Variants in GRK5 observed in about 807,000 individuals in gnomAD.
The protein encoded by GRK5 is G protein-coupled receptor kinase 5.
A neutral mutation model predicts 78.4 loss-of-function variants in GRK5; 40 were observed. The observed-to-expected ratio is 0.51, with a 90% CI of 0.40 to 0.66. GRK5 has a LOEUF of 0.66. Among genes scored for constraint, GRK5 ranks in the 30% least tolerant of loss-of-function variants. The pLI is 0.00. For synonymous variants in GRK5, 289 were observed against 296.8 expected, an observed-to-expected ratio of 0.97 and a Z score of 0.27; for missense variants, 598 against 759.9, an observed-to-expected ratio of 0.79 and a Z score of 2.50.
intron 1 of GRK5, among the ~76,000 whole-genome samples, chr10:119,276,019 C>T (rs1353808184): frequency 3.3e-5 from 5 of 152,196 alleles, no homozygotes; most frequent in African/African-American, 9.7e-5. Context: ...GTCCTTCCTC[C>T]TCTGTTTGCC....
intron 8 of GRK5, among the ~76,000 whole-genome samples, chr10:119,434,728 A>G (rs1308320918): frequency 1.3e-5 from 2 of 152,152 alleles, no homozygotes; most frequent in Non-Finnish European, 2.9e-5. Flanking sequence ...CTGTCAGTGG[A>G]TCTACCATTC....
Position 119,431,514 on chromosome 10 carries a change from A to G in GRK5, c.725A>G (p.Asn242Ser). The G allele has an allele frequency of 6.2e-7, 1 of 1,613,638 alleles. No individual in the cohort carries two copies. Among genetic ancestry groups the G allele is most frequent in the Non-Finnish European group, 8.5e-7 (1 of 1,179,742 alleles). The change falls in exon 8 of 16, where the codon AAC (asparagine) becomes AGC (serine). Residue 242 changes from asparagine to serine, a missense_variant. Physicochemically the swap from Asn to Ser is conservative, Grantham distance 46 (BLOSUM62 1). Transcript: ENST00000392870. This position sits in a 1 kb window ranked among gnomAD's most constrained non-coding sequence, Gnocchi z 4.8. ...GAGAAGCAGATCCTCGAGAAGGTCAACAGTCAGTTTGTGGTGAGTGAGCAT... is the reference window on the plus strand; with the variant it reads ...GAGAAGCAGATCCTCGAGAAGGTCAGCAGTCAGTTTGTGGTGAGTGAGCAT... ...LNEKQILEKVNSQFVVNLAYA... is the reference protein window; with the variant it reads ...LNEKQILEKVSSQFVVNLAYA...
At position 119,336,428 on chromosome 10, in the gene GRK5, T is replaced by C. The variant is rs1038391685; in HGVS notation, c.148+9817T>C. ...GTGAAGGTCAGAGGGGACACTGGCT[T>C]TATCTGTAAGATTGTTTTTTTTTTA... On this transcript the variant is annotated intron_variant, in intron 2 of 15. Coordinates refer to ENST00000392870, the MANE Select transcript of GRK5 (RefSeq NM_005308.3). The surrounding 1 kb of genome is among the most constrained non-coding windows in gnomAD (Gnocchi z 4.5). Among the ~76,000 whole-genome samples the C allele has an allele frequency of 2.0e-5, 3 of 152,200 alleles. No homozygotes were observed. The highest frequency in any genetic ancestry group is 4.8e-5 in the African/African-American group (2 of 41,450).
At chr10:119,280,280 G>C (rs1186372987) in intron 1 of GRK5, among the ~76,000 whole-genome samples, 1 of 152,218 alleles carries the variant, frequency 6.6e-6, no homozygotes, top group African/African-American at 2.4e-5. Context: ...AGGCCATGGT[G>C]ACAAAAAGTT....
chr10:119,344,079 CT>C (rs984816023), intron 2 of GRK5, among the ~76,000 whole-genome samples: 40 of 143,876 alleles, frequency 2.8e-4, no homozygotes, highest in Admixed American at 2.7e-4. Context: ...TTTTCTTTTT[CT>C]TTTTTTTTTG....
intron 2 of GRK5, among the ~76,000 whole-genome samples, chr10:119,354,505 G>A (rs1851237285): frequency 7.0e-6 from 1 of 142,694 alleles, no homozygotes; most frequent in Non-Finnish European, 1.5e-5. Flanking sequence ...AGGCTCAATT[G>A]ACCCTCCCAC....
intron 1 of GRK5, among the ~76,000 whole-genome samples, chr10:119,313,212 G>GTGGTGGTGA (rs1850420959): frequency 6.7e-6 from 1 of 148,230 alleles, no homozygotes; most frequent in East Asian, 2.4e-4. Context: ...AATGGTAGTG[G>GTGGTGGTGA]TGGTGGTGAC....
rs140383080 is a variant in GRK5 at position 119,443,698 on chromosome 10, G to T, written c.1212G>T (p.Thr404=). 6.2e-7 allele frequency: 1 copy of T among 1,612,966 alleles called. No homozygotes were observed. The highest frequency in any genetic ancestry group is 1.3e-5 in the African/African-American group (1 of 74,946). ...AGGTGGACCGCCGGGTCCTGGAGACGGAGGAGGTGTACTCCCACAAGTTCT... is the reference window on the plus strand; with the variant it reads ...AGGTGGACCGCCGGGTCCTGGAGACTGAGGAGGTGTACTCCCACAAGTTCT... ...REEVDRRVLE[T]EEVYSHKFSE... Residue 404 remains threonine, a synonymous_variant, in exon 12 of 16, where the codon ACG becomes ACT. Transcript: ENST00000392870.
At position 119,459,185 on chromosome 10, in the gene GRK5, G is replaced by A. The variant is rs1853444831; in HGVS notation, c.*4118G>A. ...GAATACAGAGAGCTGCCATCTTCCTGATCACAATAGACCACGATTGCAAAG... is the reference window on the plus strand; with the variant it reads ...GAATACAGAGAGCTGCCATCTTCCTAATCACAATAGACCACGATTGCAAAG... On this transcript the variant is annotated 3_prime_UTR_variant, in exon 16 of 16. Transcript: ENST00000392870. The A allele has an allele frequency of 6.6e-6, 1 of 152,192 alleles. No individual in the cohort carries two copies. The highest frequency in any genetic ancestry group is 1.5e-5 in the Non-Finnish European group (1 of 68,042). 9.4% of individuals were successfully genotyped at this position (152,192 alleles called of 1,614,324 possible).
At chr10:119,364,381 T>A (rs1256493742) in intron 2 of GRK5, among the ~76,000 whole-genome samples, 1 of 152,212 alleles carries the variant, frequency 6.6e-6, no homozygotes, top group Non-Finnish European at 1.5e-5. Flanking sequence ...TTGAAGGACA[T>A]CTGTGAGCTT....
intron 1 of GRK5, among the ~76,000 whole-genome samples, chr10:119,239,111 TAATAAAATA>T: frequency 6.6e-6 from 1 of 152,096 alleles, no homozygotes; most frequent in Non-Finnish European, 1.5e-5. Context: ...AAGTCGGGTA[TAATAAAATA>T]AATGAAATAA....
chr10:119,425,190 A>G, intron 6 of GRK5, 105 bp downstream of exon 6: 1 of 782,374 alleles, frequency 1.3e-6, no homozygotes, highest in Non-Finnish European at 2.2e-6. Flanking sequence ...CATGGTTAAA[A>G]CAAAATTAAC....
chr10:119,298,508 G>A (rs1393432554), intron 1 of GRK5, among the ~76,000 whole-genome samples: 6 of 152,086 alleles, frequency 3.9e-5, no homozygotes, highest in African/African-American at 2.4e-5. Flanking sequence ...GGGTGTTCTC[G>A]GCATCTCAAA....
intron 1 of GRK5, among the ~76,000 whole-genome samples, chr10:119,228,588 T>G (rs1377905041): frequency 6.6e-6 from 1 of 152,018 alleles, no homozygotes; most frequent in Non-Finnish European, 1.5e-5. Context: ...GCCATTGTGC[T>G]CCAGCCTGGG....
intron 3 of GRK5, among the ~76,000 whole-genome samples, chr10:119,382,706 T>A (rs1299689610): frequency 6.6e-6 from 1 of 152,214 alleles, no homozygotes; most frequent in Non-Finnish European, 1.5e-5. Flanking sequence ...TATTCAGATT[T>A]CCAGTGTTCT....
At chr10:119,246,780 A>G (rs187152380) in intron 1 of GRK5, among the ~76,000 whole-genome samples, 1 of 152,330 alleles carries the variant, frequency 6.6e-6, no homozygotes, top group African/African-American at 2.4e-5. Context: ...TGCACCTTCC[A>G]AAGCAGGTGT....
chr10:119,304,284 C>CTTTTTTTTTTT (rs59740732), intron 1 of GRK5, among the ~76,000 whole-genome samples: 1 of 75,042 alleles, frequency 1.3e-5, no homozygotes, highest in African/African-American at 5.0e-5. Flanking sequence ...GTGTGAGCTG[C>CTTTTTTTTTTT]TTTTTTTTTT....
chr10:119,443,450 G>A, intron 11 of GRK5, 94 bp from the exon 12 acceptor site: 3 of 1,145,622 alleles, frequency 2.6e-6, no homozygotes, highest in Non-Finnish European at 3.8e-6. Context: ...TGGGGTAAGA[G>A]TTGGTGGCGG....
chr10:119,317,347 GGTGTGTGTGTGTGTGT>G (rs3064482), intron 1 of GRK5, among the ~76,000 whole-genome samples: 11 of 142,410 alleles, frequency 7.7e-5, no homozygotes, highest in East Asian at 2.1e-4. Flanking sequence ...TCAGTAGATG[GGTGTGTGTGTGTGTGT>G]GTGTGTGTGT....
Sources: gnomAD v4.1 joint callset for allele counts (sites outside exome capture counted in the v4.1 genomes callset) on GRCh38, gnomAD v4.1.1 for gene constraint, Gnocchi (gnomAD v3.1) non-coding constraint, MANE v1.5 for transcripts, NCBI Gene and HGNC (gene_info 2026-07-23, HGNC 2026-07-21) for gene names.